The following CENPS variants were observed in gnomAD, a reference collection of about 807,000 sequenced individuals.
The protein encoded by CENPS is FANCM associated histone fold protein 1.
A neutral mutation model predicts 17.9 loss-of-function variants in CENPS; 16 were observed. The ratio of observed to expected loss-of-function variants is 0.90; its 90% CI spans 0.61 to 1.36. The LOEUF is 1.36. CENPS is among the 40% of genes most tolerant of loss of function. The pLI, the probability that CENPS is intolerant of heterozygous loss-of-function variation, is 0.00. For synonymous variants in CENPS, 49 were observed against 55.8 expected (o/e 0.88, Z 0.54); for missense variants, 160 against 158.6 (o/e 1.01, Z -0.05).
intron 3 of CENPS, among the ~76,000 whole-genome samples, chr1:10,437,188 C>G (rs925504948): frequency 6.6e-6 from 1 of 152,034 alleles, no homozygotes; most frequent in African/African-American, 2.4e-5. Context: ...GACAGGATCT[C>G]TCTGTTACCC....
At chr1:10,434,831 CA>C in intron 3 of CENPS, 141 bp downstream of exon 3, 2 of 1,232,796 alleles carry the variant, frequency 1.6e-6, no homozygotes, top group Non-Finnish European at 2.2e-6. Context: ...CATGGTTCTG[CA>C]AGAACATGAC....
chr1:10,432,297 C>T (rs1639956107), intron 1 of CENPS, among the ~76,000 whole-genome samples: 1 of 152,088 alleles, frequency 6.6e-6, no homozygotes, highest in East Asian at 1.9e-4. Flanking sequence ...GTTGGCCAGG[C>T]TGGTTTTGAA....
chr1:10,438,881 C>T (rs187290041), intron 3 of CENPS, among the ~76,000 whole-genome samples: 1 of 152,300 alleles, frequency 6.6e-6, no homozygotes, highest in East Asian at 1.9e-4. Flanking sequence ...GACAGAGCAG[C>T]CTGGTTGTGA....
chr1:10,442,495 T>C lies in CENPS; in HGVS notation c.*90T>C. ...GCAAAGGAAACTTTGAAGGGTTAAA[T>C]AGAGATTTAAAAAAATAAAATAAAA... On this transcript the variant is annotated 3_prime_UTR_variant, in exon 5 of 5. Transcript: ENST00000309048. 1.4e-6 allele frequency: 2 copies of C among 1,390,858 alleles called. No individual in the cohort carries two copies. The highest frequency in any genetic ancestry group is 5.9e-5 in the Admixed American group (2 of 34,014). 86.2% of individuals were successfully genotyped at this position (1,390,858 alleles called of 1,614,324 possible).
At chr1:10,434,477 A>C (rs1321188718) in intron 2 of CENPS, among the ~76,000 whole-genome samples, 180 bp from the exon 3 acceptor site, 1 of 152,188 alleles carries the variant, frequency 6.6e-6, no homozygotes, top group East Asian at 1.9e-4. Context: ...GTCATGAATA[A>C]AAAGCTACAG....
chr1:10,440,452 C>G lies in CENPS; in HGVS notation c.276+39C>G, dbSNP rs774501116. ...TTCTTTCCTCACTCCCCTTTCCCAT[C>G]GGAATACATTATTCCCAATCAATCA... On this transcript the variant is annotated intron_variant, in intron 4 of 4. Transcript: ENST00000309048. 1.1e-5 allele frequency: 18 copies of G among 1,608,796 alleles called. No homozygotes were observed. The South Asian group carries it at 1.9e-4, about 17-fold the overall frequency.
chr1:10,437,343 G>T (rs1640209018), intron 3 of CENPS, among the ~76,000 whole-genome samples: 1 of 149,756 alleles, frequency 6.7e-6, no homozygotes, highest in Non-Finnish European at 1.5e-5. Flanking sequence ...TCTTTTTGGT[G>T]AGCTTGTTAT....
chr1:10,437,863 A>G (rs937251258), intron 3 of CENPS, among the ~76,000 whole-genome samples: 1 of 150,406 alleles, frequency 6.6e-6, no homozygotes, highest in Non-Finnish European at 1.5e-5. Flanking sequence ...TGCGGATTCA[A>G]GTGATTCTCC....
chr1:10,435,413 C>T (rs550818966), intron 3 of CENPS, among the ~76,000 whole-genome samples: 48 of 151,952 alleles, frequency 3.2e-4, no homozygotes, highest in Non-Finnish European at 5.0e-4. Context: ...CTTTGTTTCT[C>T]GGGTGCGTGT....
chr1:10,440,118 C>T (rs1468366616), intron 3 of CENPS: 8 of 566,778 alleles, frequency 1.4e-5, no homozygotes, highest in Non-Finnish European at 2.4e-5. Flanking sequence ...ACCCTTGGCC[C>T]TAAGCGGAGG....
At chr1:10,430,817 T>C (rs1570013547) in intron 1 of CENPS, 2 of 1,350,148 alleles carry the variant, frequency 1.5e-6, no homozygotes, top group South Asian at 3.7e-5. Flanking sequence ...GGCGCCGGGG[T>C]CCGGCGGCGA....
chr1:10,435,217 A>G (rs978512714), intron 3 of CENPS, among the ~76,000 whole-genome samples: 2 of 152,144 alleles, frequency 1.3e-5, no homozygotes, highest in African/African-American at 4.8e-5. Context: ...CAGCTTTTAC[A>G]GGTGATTTAT....
At chr1:10,436,439 C>T (rs147013451) in intron 3 of CENPS, among the ~76,000 whole-genome samples, 2,055 of 151,152 alleles carry the variant, frequency 0.014, 48 homozygotes, top group African/African-American at 0.047. Context: ...CCGTGGCTCA[C>T]GCCTGTAATC....
chr1:10,433,463 C>G (rs924459786), intron 1 of CENPS, among the ~76,000 whole-genome samples: 6 of 152,196 alleles, frequency 3.9e-5, no homozygotes, highest in South Asian at 4.1e-4. Flanking sequence ...GTTCCCTGCC[C>G]GGTTTTTCAT....
At chr1:10,436,337 A>T (rs1265357505) in intron 3 of CENPS, among the ~76,000 whole-genome samples, 1 of 150,496 alleles carries the variant, frequency 6.6e-6, no homozygotes, top group Non-Finnish European at 1.5e-5. Context: ...CGTGCATGTG[A>T]GTGTGTGTGT....
At chr1:10,436,717 A>AAG (rs1553177445) in intron 3 of CENPS, among the ~76,000 whole-genome samples, 1 of 120,170 alleles carries the variant, frequency 8.3e-6, no homozygotes. Flanking sequence ...TTAAAAAAAA[A>AAG]AAAAGAAAAG....
chr1:10,430,858 T>C, intron 1 of CENPS: 1 of 1,318,494 alleles, frequency 7.6e-7, no homozygotes, highest in Non-Finnish European at 9.6e-7. Flanking sequence ...CGATGAATCC[T>C]CGGTTTCCCC....
At position 10,440,305 on chromosome 1, in the gene CENPS, A is replaced by G. The variant is rs185595792; in HGVS notation, c.210-42A>G. ...TCTGTGTTTCATCAAAACTTTAAAT[A>G]ATACCAAACATTTTGGTGACTTGCT... On this transcript the variant is annotated intron_variant, in intron 3 of 4. Coordinates refer to ENST00000309048, the MANE Select transcript of CENPS (RefSeq NM_199294.3). The G allele has an allele frequency of 6.2e-6, 10 of 1,605,842 alleles. No individual in the cohort carries two copies. In the Admixed American group the frequency reaches 1.7e-4, roughly 28 times the overall value.
chr1:10,437,495 C>G (rs1351995172), intron 3 of CENPS, among the ~76,000 whole-genome samples: 1 of 144,532 alleles, frequency 6.9e-6, no homozygotes, highest in Non-Finnish European at 1.5e-5. Context: ...CTCACTCTGT[C>G]GCCCAGGCTG....
Sources: allele counts gnomAD v4.1 joint callset (sites outside exome capture counted in the v4.1 genomes callset), GRCh38; gene constraint gnomAD v4.1.1; transcripts MANE v1.5; gene names NCBI Gene and HGNC (gene_info 2026-07-23, HGNC 2026-07-21).